The following TMEM131 variants were observed in gnomAD, a reference collection of about 807,000 sequenced individuals.
The protein encoded by TMEM131 is 2610524E03Rik.
A neutral mutation model predicts 211.6 loss-of-function variants in TMEM131; 66 were observed. The ratio of observed to expected loss-of-function variants is 0.31; its 90% confidence interval spans 0.26 to 0.38. TMEM131 has a LOEUF of 0.38. Ranked by LOEUF, TMEM131 falls within the 10% of genes least tolerant of loss-of-function variation. The probability of loss-of-function intolerance (pLI) is 1.00; values close to 1 mark genes in which losing one functional copy is unlikely to be tolerated. For synonymous variants in TMEM131, 844 were observed against 841.3 expected (o/e 1.00, Z -0.06); for missense variants, 2,036 against 2,299.3 (o/e 0.89, Z 2.34).
intron 31 of TMEM131, among the ~76,000 whole-genome samples, chr2:97,790,771 C>T (rs1277212858): frequency 6.6e-6 from 1 of 152,186 alleles, no homozygotes; most frequent in Non-Finnish European, 1.5e-5. Flanking sequence ...AAAAATTACC[C>T]TAAAATATGT....
intron 1 of TMEM131, among the ~76,000 whole-genome samples, chr2:97,928,069 T>C (rs983177539): frequency 6.6e-6 from 1 of 152,216 alleles, no homozygotes; most frequent in Non-Finnish European, 1.5e-5. Flanking sequence ...GCTTCTGGTA[T>C]TGACTGAACT....
Position 97,981,982 on chromosome 2 carries a change from T to G in TMEM131, c.187+13494A>C, listed in dbSNP as rs888249458. 2.6e-5 allele frequency among the ~76,000 whole-genome samples: 4 copies of G among 152,248 alleles called. No homozygotes were observed. The South Asian group carries it at 6.2e-4, about 24-fold the overall frequency. On this transcript the variant is annotated intron_variant, in intron 1 of 40. Transcript: ENST00000186436. ...ACTTTTTGGCTACTATAAATAATGC[T>G]GCTATGAATGTTCCTGCACAAGTTT...
chr2:97,942,976 G>C (rs931867456), intron 1 of TMEM131, among the ~76,000 whole-genome samples: 2 of 99,260 alleles, frequency 2.0e-5, no homozygotes, highest in Admixed American at 2.2e-4. Flanking sequence ...AAGAAAGAAA[G>C]AAAGAAAGAA....
chr2:97,822,891 A>T (rs1162738649), intron 11 of TMEM131, among the ~76,000 whole-genome samples: 1 of 152,058 alleles, frequency 6.6e-6, no homozygotes. Context: ...TTTGACCCAT[A>T]AACCCTGAAA....
rs544692214 is a variant in TMEM131 at position 97,881,994 on chromosome 2, A to G, written c.359+6058T>C. On this transcript the variant is annotated intron_variant, in intron 4 of 40. Transcript: ENST00000186436. ...TTTTCCTTTAGCAGTCACTTTCTGA[A>G]GACATTGATAATTTACTTTCTGCAG... is the stretch of plus-strand genomic sequence containing the variant. 5.3e-5 allele frequency among the ~76,000 whole-genome samples: 8 copies of G among 152,342 alleles called. No homozygotes were observed. In the East Asian group the frequency reaches 1.3e-3, roughly 26 times the overall value.
intron 3 of TMEM131, among the ~76,000 whole-genome samples, chr2:97,889,023 T>C (rs1485955187): frequency 2.6e-5 from 4 of 152,160 alleles, no homozygotes; most frequent in South Asian, 4.1e-4. Context: ...AGAGGAAATA[T>C]CCAGGATTTA....
intron 1 of TMEM131, among the ~76,000 whole-genome samples, chr2:97,960,963 T>C (rs1310637269): frequency 6.6e-6 from 1 of 152,038 alleles, no homozygotes; most frequent in African/African-American, 2.4e-5. Flanking sequence ...GAAAAAGAAT[T>C]TGATAAAATT....
At chr2:97,860,426 A>C (rs1674021354) in intron 4 of TMEM131, among the ~76,000 whole-genome samples, 1 of 152,116 alleles carries the variant, frequency 6.6e-6, no homozygotes. Context: ...CTCCTCATGC[A>C]ATCATTTTGG....
Position 97,837,176 on chromosome 2 carries a change from T to C in TMEM131, c.724-19A>G, listed in dbSNP as rs1682980573. ...CTACAACCTGGGGCAAAAGAGCACA[T>C]GATGGCTACGTTCAAAGTCATATTC... On this transcript the variant is annotated intron_variant, in intron 7 of 40. Coordinates refer to ENST00000186436, the MANE Select transcript of TMEM131 (RefSeq NM_015348.2). The C allele has an allele frequency of 6.4e-7, 1 of 1,568,118 alleles. No individual in the cohort carries two copies. Among genetic ancestry groups the C allele is most frequent in the Non-Finnish European group, 8.6e-7 (1 of 1,159,332 alleles).
chr2:97,908,827 A>G, intron 2 of TMEM131, 129 bp from the exon 3 acceptor site: 1 of 665,838 alleles, frequency 1.5e-6, no homozygotes, highest in East Asian at 2.9e-5. Flanking sequence ...TTTAAGGTTA[A>G]ACCTGGTCTC....
At chr2:97,783,233 G>A (rs1680096877) in intron 31 of TMEM131, among the ~76,000 whole-genome samples, 1 of 151,974 alleles carries the variant, frequency 6.6e-6, no homozygotes, top group African/African-American at 2.4e-5. Flanking sequence ...ATATCCTTCA[G>A]GAATATTCAG....
intron 5 of TMEM131, among the ~76,000 whole-genome samples, 162 bp from the exon 6 acceptor site, chr2:97,844,423 T>C (rs920737628): frequency 6.6e-6 from 1 of 152,264 alleles, no homozygotes; most frequent in Non-Finnish European, 1.5e-5. Context: ...GTCTTCCATA[T>C]TGAATGTCTA....
intron 4 of TMEM131, among the ~76,000 whole-genome samples, chr2:97,869,711 T>C (rs1015817889): frequency 6.6e-6 from 1 of 152,166 alleles, no homozygotes; most frequent in Admixed American, 6.5e-5. Flanking sequence ...GCCTTCCTCC[T>C]CACCATCCTC....
At chr2:97,866,400 AT>A (rs908907826) in intron 4 of TMEM131, among the ~76,000 whole-genome samples, 3 of 152,294 alleles carry the variant, frequency 2.0e-5, no homozygotes, top group Admixed American at 6.5e-5. Context: ...TACATTCCTG[AT>A]TTTAGTAATT....
At chr2:97,979,073 T>C (rs1679672171) in intron 1 of TMEM131, among the ~76,000 whole-genome samples, 1 of 152,254 alleles carries the variant, frequency 6.6e-6, no homozygotes, top group African/African-American at 2.4e-5. Context: ...CAGTTGCCTT[T>C]TTAACAAGCA....
chr2:97,950,494 T>C (rs1020562650), intron 1 of TMEM131, among the ~76,000 whole-genome samples: 6 of 152,208 alleles, frequency 3.9e-5, no homozygotes, highest in East Asian at 3.8e-4. Context: ...ATGATCCTAA[T>C]GTCCCTACAC....
At chr2:97,880,520 A>G (rs1674882345) in intron 4 of TMEM131, among the ~76,000 whole-genome samples, 1 of 152,192 alleles carries the variant, frequency 6.6e-6, no homozygotes, top group Non-Finnish European at 1.5e-5. Flanking sequence ...TGAAAAATTC[A>G]TAGGATTCCT....
At chr2:97,815,606 C>T (rs892118449) in intron 12 of TMEM131, among the ~76,000 whole-genome samples, 1 of 152,176 alleles carries the variant, frequency 6.6e-6, no homozygotes, top group Non-Finnish European at 1.5e-5. Context: ...GCTTTACTTA[C>T]AGCAGAATTT....
At chr2:97,883,446 T>A (rs1345397599) in intron 4 of TMEM131, among the ~76,000 whole-genome samples, 2 of 152,192 alleles carry the variant, frequency 1.3e-5, no homozygotes, top group African/African-American at 4.8e-5. Context: ...TCTCAGCTCA[T>A]GAGATTTCAG....
Sources: gnomAD v4.1 joint callset for allele counts (sites outside exome capture counted in the v4.1 genomes callset) on GRCh38, gnomAD v4.1.1 for gene constraint, MANE v1.5 for transcripts, NCBI Gene and HGNC (gene_info 2026-07-23, HGNC 2026-07-21) for gene names.